The following KARS1 variants were observed in gnomAD, a reference collection of about 807,000 sequenced individuals.
KARS1 encodes lysyl-tRNA synthetase 1, also known as lysine--tRNA ligase.
In KARS1, 50 loss-of-function variants were observed where a neutral mutation model predicts 63.9. The observed-to-expected ratio is 0.78, with a 90% confidence interval of 0.62 to 0.99. The LOEUF is 0.99. Among genes scored for constraint, KARS1 ranks in the 50% least tolerant of loss-of-function variants. The probability of loss-of-function intolerance (pLI) is 0.00; values close to 1 mark genes in which losing one functional copy is unlikely to be tolerated. For missense variants in KARS1, 816 were observed against 754.5 expected (o/e 1.08, Z -0.95); for synonymous variants, 320 against 264.6 (o/e 1.21, Z -2.03).
chr16:75,633,098 T>A (rs1389803179), intron 7 of KARS1, among the ~76,000 whole-genome samples: 6 of 152,208 alleles, frequency 3.9e-5, no homozygotes, highest in Admixed American at 3.3e-4. Context: ...TAATAATTCC[T>A]AGAACTCCTC....
chr16:75,639,276 A>G (rs2082196747), intron 3 of KARS1, among the ~76,000 whole-genome samples: 1 of 151,920 alleles, frequency 6.6e-6, no homozygotes, highest in South Asian at 2.1e-4. Context: ...ACTAACATCA[A>G]TAAATATTTT....
chr16:75,643,602 A>G (rs1009695626), intron 1 of KARS1, among the ~76,000 whole-genome samples: 2 of 152,070 alleles, frequency 1.3e-5, no homozygotes, highest in African/African-American at 4.8e-5. Flanking sequence ...GATGGTCTTG[A>G]TCTCCTGACC....
At chr16:75,636,222 T>A in intron 4 of KARS1, 124 bp from the exon 5 acceptor site, 2 of 729,074 alleles carry the variant, frequency 2.7e-6, no homozygotes, top group Non-Finnish European at 4.8e-6. Context: ...GGACGTCAGA[T>A]TCAGGGGCCA....
intron 1 of KARS1, 33 bp from the exon 2 acceptor site, chr16:75,641,756 G>C: frequency 1.2e-6 from 2 of 1,611,020 alleles, no homozygotes; most frequent in African/African-American, 1.3e-5. Context: ...CAATGTGTTA[G>C]CTGCCTGAAG....
intron 3 of KARS1, 194 bp downstream of exon 3, chr16:75,639,990 C>T: frequency 1.6e-6 from 1 of 608,644 alleles, no homozygotes; most frequent in Non-Finnish European, 2.9e-6. Flanking sequence ...AGCACTACCT[C>T]ATCTGGAATA....
rs544852914 is a variant in KARS1 at position 75,640,882 on chromosome 16, C to G, written c.223-533G>C. 3.9e-5 allele frequency among the ~76,000 whole-genome samples: 6 copies of G among 152,290 alleles called. 1 individual carries two copies. In the South Asian group the frequency reaches 1.2e-3, roughly 32 times the overall value. Reference sequence around the variant, plus strand: ...GAAATACGTAAACAAATGAGCACAGCTGTGTTCCAATACAATTTTACTAGT... The same window carrying G: ...GAAATACGTAAACAAATGAGCACAGGTGTGTTCCAATACAATTTTACTAGT... On this transcript the variant is annotated intron_variant, in intron 2 of 13. Coordinates refer to ENST00000302445, the MANE Select transcript of KARS1 (RefSeq NM_005548.3).
chr16:75,643,324 TCG>T (rs1170320991), intron 1 of KARS1, among the ~76,000 whole-genome samples: 11 of 152,066 alleles, frequency 7.2e-5, no homozygotes, highest in Non-Finnish European at 1.3e-4. Flanking sequence ...TCCTTCATTT[TCG>T]ATATGAATTT....
intron 1 of KARS1, chr16:75,644,197 A>T (rs760746903): frequency 3.8e-5 from 48 of 1,252,098 alleles, no homozygotes; most frequent in Non-Finnish European, 4.9e-5. Flanking sequence ...AAGTCCAAAG[A>T]CTTAGCCAGA....
chr16:75,647,452 G>C (rs987985005), intron 1 of KARS1, 126 bp downstream of exon 1: 1 of 888,820 alleles, frequency 1.1e-6, no homozygotes, highest in African/African-American at 1.7e-5. Flanking sequence ...CCACGTCTCA[G>C]CATGTGCGTA....
intron 1 of KARS1, among the ~76,000 whole-genome samples, chr16:75,646,794 G>A (rs1370175474): frequency 6.6e-6 from 1 of 151,832 alleles, no homozygotes; most frequent in African/African-American, 2.4e-5. Context: ...TAACAAGTGC[G>A]CGCCACGGGG....
chr16:75,634,069 G>C, intron 7 of KARS1, 104 bp downstream of exon 7: 1 of 1,272,484 alleles, frequency 7.9e-7, no homozygotes. Context: ...TTTCTTGGCT[G>C]CTTTACTCTC....
At chr16:75,631,354 C>G (rs2082110971) in intron 9 of KARS1, 62 bp downstream of exon 9, 1 of 1,588,262 alleles carries the variant, frequency 6.3e-7, no homozygotes, top group Admixed American at 1.7e-5. Flanking sequence ...CTGACCCAAT[C>G]AAATTCAGAG....
In KARS1 at chr16:75,632,224, A is replaced by G. The variant is rs191847530; in HGVS notation, c.916-369T>C. 6.9e-3 allele frequency among the ~76,000 whole-genome samples: 1,055 copies of G among 152,270 alleles called. 12 individuals are homozygous for G. The highest frequency in any genetic ancestry group is 0.024 in the African/African-American group (1,006 of 41,554). ...CTAATCTTGTATTAACAGCTCTGGG[A>G]AGTTTCAGTCTCCAAAAGCCGTAAC... On this transcript the variant is annotated intron_variant, in intron 7 of 13. Coordinates refer to ENST00000302445, the MANE Select transcript of KARS1 (RefSeq NM_005548.3).
At chr16:75,640,849 C>G (rs2082216425) in intron 2 of KARS1, among the ~76,000 whole-genome samples, 1 of 152,188 alleles carries the variant, frequency 6.6e-6, no homozygotes, top group South Asian at 2.1e-4. Context: ...AGGGGGAAAG[C>G]AGCCTCAGAA....
rs763377687 is a variant in KARS1 at position 75,629,494 on chromosome 16, A to G, written c.1472T>C (p.Met491Thr). ...GLTERFELFV[M>T]KKEICNAYTE... ...ATACGCATTGCATATCTCTTTCTTCATGACAAACAGCTCAAAGCGCTCAGT... is the reference window on the plus strand; with the variant it reads ...ATACGCATTGCATATCTCTTTCTTCGTGACAAACAGCTCAAAGCGCTCAGT... Residue 491 changes from methionine to threonine, a missense_variant, in exon 12 of 14, where the codon ATG (methionine) becomes ACG (threonine). Transcript: ENST00000302445. 112 of 1,614,100 alleles carry G rather than the reference A, an allele frequency of 6.9e-5. No individual in the cohort carries two copies. Among genetic ancestry groups the G allele is most frequent in the Non-Finnish European group, 8.6e-5 (102 of 1,180,036 alleles).
At chr16:75,646,792 G>A (rs928139092) in intron 1 of KARS1, among the ~76,000 whole-genome samples, 5 of 151,820 alleles carry the variant, frequency 3.3e-5, no homozygotes, top group Admixed American at 6.6e-5. Flanking sequence ...GATAACAAGT[G>A]CGCGCCACGG....
chr16:75,637,983 T>C (rs1477500161), intron 3 of KARS1, among the ~76,000 whole-genome samples: 1 of 150,878 alleles, frequency 6.6e-6, no homozygotes, highest in Non-Finnish European at 1.5e-5. Flanking sequence ...GCTGCAGTAT[T>C]TCTGAACATG....
chr16:75,644,492 G>T (rs896050801), intron 1 of KARS1: 4 of 1,519,768 alleles, frequency 2.6e-6, no homozygotes, highest in Non-Finnish European at 3.6e-6. Flanking sequence ...TGTGGTGTCA[G>T]ATGGGACAGA....
At chr16:75,631,983 G>T in intron 7 of KARS1, 128 bp from the exon 8 acceptor site, 1 of 1,101,976 alleles carries the variant, frequency 9.1e-7, no homozygotes, top group East Asian at 2.4e-5. Context: ...CGCCTCCTAG[G>T]TTCAAGCAAT....
Sources: allele counts gnomAD v4.1 joint callset (sites outside exome capture counted in the v4.1 genomes callset), GRCh38; gene constraint gnomAD v4.1.1; transcripts MANE v1.5; gene names NCBI Gene and HGNC (gene_info 2026-07-23, HGNC 2026-07-21).